The following MAGI2 variants were observed in gnomAD, a reference collection of about 807,000 sequenced individuals.
MAGI2 encodes the protein membrane-associated guanylate kinase, WW and PDZ domain-containing protein 2.
A neutral mutation model predicts 133.3 loss-of-function variants in MAGI2; 35 were observed. The observed-to-expected ratio is 0.26, with a 90% CI of 0.20 to 0.35. The LOEUF is 0.35. MAGI2 is among the 10% of genes least tolerant of loss of function. The pLI, the probability that MAGI2 is intolerant of heterozygous loss-of-function variation, is 1.00. For synonymous variants in MAGI2, 729 were observed against 710.6 expected (o/e 1.03, Z -0.41); for missense variants, 1,636 against 1,863.4 (o/e 0.88, Z 2.25).
At chr7:78,691,423 G>C (rs1290555197) in intron 2 of MAGI2, among the ~76,000 whole-genome samples, 3 of 152,132 alleles carry the variant, frequency 2.0e-5, no homozygotes, top group Non-Finnish European at 4.4e-5. Context: ...GAATGAATGA[G>C]GTTGAATACA....
intron 1 of MAGI2, among the ~76,000 whole-genome samples, chr7:79,379,836 T>C (rs1486239932): frequency 6.6e-6 from 1 of 151,746 alleles, no homozygotes; most frequent in Non-Finnish European, 1.5e-5. Context: ...CAACTTTTTT[T>C]TTTTTTACCC....
chr7:78,514,875 G>A (rs574922939), intron 4 of MAGI2, among the ~76,000 whole-genome samples: 1 of 152,264 alleles, frequency 6.6e-6, no homozygotes, highest in Admixed American at 6.5e-5. Flanking sequence ...TTTGCTCTCT[G>A]GGAGATGCAG....
intron 3 of MAGI2, among the ~76,000 whole-genome samples, chr7:78,621,050 G>A (rs1000414850): frequency 8.6e-5 from 13 of 152,012 alleles, no homozygotes; most frequent in Admixed American, 3.9e-4. Flanking sequence ...CAGACACCTG[G>A]AAGAAGTAGG....
intron 3 of MAGI2, among the ~76,000 whole-genome samples, chr7:78,540,437 C>T (rs1798317853): frequency 6.6e-6 from 1 of 152,162 alleles, no homozygotes; most frequent in Non-Finnish European, 1.5e-5. Context: ...TGTGCCCCAC[C>T]AACAGCACCA....
chr7:78,299,708 A>G (rs566609385), intron 9 of MAGI2, among the ~76,000 whole-genome samples: 167 of 152,242 alleles, frequency 1.1e-3, no homozygotes, highest in African/African-American at 3.9e-3. Context: ...TCACCCAGGT[A>G]TTAAGCCCGG....
intron 3 of MAGI2, among the ~76,000 whole-genome samples, chr7:78,619,270 A>G (rs1807455360): frequency 6.6e-6 from 1 of 151,876 alleles, no homozygotes; most frequent in South Asian, 2.1e-4. Flanking sequence ...TGTAAGAAAA[A>G]TGAATTAAAC....
In MAGI2 at chr7:78,853,596, T is replaced by G. The variant is rs138515355; in HGVS notation, c.418+153494A>C. Among the ~76,000 whole-genome samples the G allele has an allele frequency of 9.0e-3, 1,371 of 152,022 alleles. 12 individuals are homozygous for G. The highest frequency in any genetic ancestry group is 0.027 in the Middle Eastern group (8 of 294). The stretch of plus-strand genomic sequence containing the variant: ...GTCTCAAACTCCCGGACTCAAGCAA[T>G]TCTCCTGCCTCGACCTCCCAAAGTG... On this transcript the variant is annotated intron_variant, in intron 2 of 21. Transcript: ENST00000354212.
intron 6 of MAGI2, among the ~76,000 whole-genome samples, chr7:78,380,701 A>C (rs1794845616): frequency 6.6e-6 from 1 of 152,188 alleles, no homozygotes; most frequent in Admixed American, 6.5e-5. Context: ...GACTATAGTC[A>C]ACAATATTTT....
At chr7:78,630,232 G>A (rs1213162275) in intron 2 of MAGI2, among the ~76,000 whole-genome samples, 1 of 151,556 alleles carries the variant, frequency 6.6e-6, no homozygotes, top group East Asian at 1.9e-4. Flanking sequence ...TTTAAAAAAT[G>A]AGAGTTTAAC....
chr7:78,912,058 T>A (rs1386296186), intron 2 of MAGI2, among the ~76,000 whole-genome samples: 1 of 152,136 alleles, frequency 6.6e-6, no homozygotes, highest in Non-Finnish European at 1.5e-5. Context: ...ATAAAGATCA[T>A]CTTTTATAAT....
chr7:78,038,384 A>C (rs1415218361), intron 21 of MAGI2, among the ~76,000 whole-genome samples: 8 of 144,370 alleles, frequency 5.5e-5, no homozygotes, highest in African/African-American at 8.1e-5. Flanking sequence ...ATTCATATGA[A>C]ACACTAACTT....
rs184975117 is a variant in MAGI2, at chr7:79,133,144, G to T, written c.302-125938C>A. Among the ~76,000 whole-genome samples the T allele has an allele frequency of 1.6e-3, 242 of 152,132 alleles. 2 individuals carry two copies. The highest frequency in any genetic ancestry group is 5.5e-3 in the African/African-American group (228 of 41,548). On this transcript the variant is annotated intron_variant, in intron 1 of 21. Transcript: ENST00000354212. ...ATTTCTTTTTCTGTACAAAAGCTTTGTAGTTTAATTCAGTCCCATTTATTT... is the reference window on the plus strand; with the variant it reads ...ATTTCTTTTTCTGTACAAAAGCTTTTTAGTTTAATTCAGTCCCATTTATTT...
intron 1 of MAGI2, among the ~76,000 whole-genome samples, chr7:79,444,734 C>G (rs946661996): frequency 6.6e-6 from 1 of 152,104 alleles, no homozygotes; most frequent in South Asian, 2.1e-4. Context: ...AATGGCCATA[C>G]TGCCCAAGGT....
intron 1 of MAGI2, among the ~76,000 whole-genome samples, chr7:79,036,661 AT>A (rs5885109): frequency 0.085 from 12,856 of 151,588 alleles, 612 homozygotes; most frequent in African/African-American, 0.13. Flanking sequence ...ATTTTCAGGG[AT>A]TTTTTTTTCC....
At chr7:78,111,327 T>TA (rs1393154634) in intron 20 of MAGI2, among the ~76,000 whole-genome samples, 1 of 152,208 alleles carries the variant, frequency 6.6e-6, no homozygotes, top group Non-Finnish European at 1.5e-5. Context: ...CATGAATAAT[T>TA]AAAATCAAAG....
rs10526268 is a variant in MAGI2 at position 78,903,172 on chromosome 7, C to CTTTTTTTTTTT, written c.418+103907_418+103917dup. Among the ~76,000 whole-genome samples, 22 of 56,120 alleles carry CTTTTTTTTTTT rather than the reference C, an allele frequency of 3.9e-4. 6 individuals carry two copies. The highest frequency in any genetic ancestry group is 2.8e-3 in the East Asian group (4 of 1,452). 36.8% of individuals were successfully genotyped at this position (56,120 alleles called of 152,430 possible). Reference sequence around the variant, plus strand: ...TTCATGCAAGTGGGAGTTCCTGAATCTTTTTTTTTTTTTTTTTTTTTTTTT... The same window carrying CTTTTTTTTTTT: ...TTCATGCAAGTGGGAGTTCCTGAATCTTTTTTTTTTTTTTTTTTTTTTTTTTTTTTTTTTTT... On this transcript the variant is annotated intron_variant, in intron 2 of 21. Transcript: ENST00000354212.
chr7:79,280,926 GAAAAAAAAAAAAAAAAAAAAA>G (rs71095390), intron 1 of MAGI2, among the ~76,000 whole-genome samples: 871 of 35,810 alleles, frequency 0.024, 14 homozygotes, highest in African/African-American at 0.094. Flanking sequence ...CTCTGTCTCT[GAAAAAAAAAAAAAAAAAAAAA>G]AAAAAAAAAA....
intron 2 of MAGI2, among the ~76,000 whole-genome samples, chr7:78,926,657 G>A (rs1391767739): frequency 6.6e-6 from 1 of 151,806 alleles, no homozygotes; most frequent in Non-Finnish European, 1.5e-5. Context: ...CTCTTTTATG[G>A]TCTCAAATTT....
At chr7:78,864,444 T>C (rs1173354192) in intron 2 of MAGI2, among the ~76,000 whole-genome samples, 2 of 152,242 alleles carry the variant, frequency 1.3e-5, no homozygotes, top group Admixed American at 1.3e-4. Context: ...AATAAATGCT[T>C]AAATCACTAG....
Sources: gnomAD v4.1 joint callset for allele counts (sites outside exome capture counted in the v4.1 genomes callset) on GRCh38, gnomAD v4.1.1 for gene constraint, MANE v1.5 for transcripts, NCBI Gene and HGNC (gene_info 2026-07-23, HGNC 2026-07-21) for gene names.